Variants in GABRA3 observed in about 807,000 individuals in gnomAD.
GABRA3 encodes the protein gamma-aminobutyric acid receptor subunit alpha-3.
In GABRA3, 10 loss-of-function variants were observed where a neutral mutation model predicts 30.1. The observed-to-expected ratio is 0.33, with a 90% CI of 0.20 to 0.56. The LOEUF is 0.56. Among genes scored for constraint, GABRA3 ranks in the 20% least tolerant of loss-of-function variants. The pLI, the probability that GABRA3 is intolerant of heterozygous loss-of-function variation, is 0.89. For missense variants in GABRA3, 233 were observed against 392.0 expected, an observed-to-expected ratio of 0.59 and a Z score of 3.42; for synonymous variants, 151 against 146.8, an observed-to-expected ratio of 1.03 and a Z score of -0.21.
intron 5 of GABRA3, among the ~76,000 whole-genome samples, chrX:152,229,178 C>A (rs1459184073): frequency 9.0e-6 from 1 of 110,733 alleles, no homozygotes; most frequent in Non-Finnish European, 1.9e-5. Flanking sequence ...TTTTTGCTAG[C>A]AGTTTTCAGT....
intron 3 of GABRA3, among the ~76,000 whole-genome samples, chrX:152,316,563 T>C (rs1200027599): frequency 1.8e-5 from 2 of 111,802 alleles, no homozygotes; most frequent in African/African-American, 6.5e-5. Context: ...GTCATCAGGT[T>C]ATCTAAAGTG....
chrX:152,312,469 A>G (rs1021066055), intron 3 of GABRA3, among the ~76,000 whole-genome samples: 1 of 112,187 alleles, frequency 8.9e-6, no homozygotes, highest in Middle Eastern at 4.2e-3. Context: ...TCTTTTCACC[A>G]TATACAAAAT....
intron 9 of GABRA3, among the ~76,000 whole-genome samples, chrX:152,169,799 A>G (rs1936980643): frequency 9.0e-6 from 1 of 111,507 alleles, no homozygotes; most frequent in East Asian, 2.8e-4. Flanking sequence ...TGCTTCCCAG[A>G]ACCCAGGCTT....
chrX:152,185,934 A>G (rs931621961), intron 9 of GABRA3, among the ~76,000 whole-genome samples: 3 of 112,123 alleles, frequency 2.7e-5, no homozygotes, highest in East Asian at 2.8e-4. Flanking sequence ...AAGAATCTGT[A>G]TTTGATTTAG....
chrX:152,203,962 G>A (rs139290901), intron 7 of GABRA3, among the ~76,000 whole-genome samples: 2,158 of 111,718 alleles, frequency 0.019, 48 homozygotes, highest in African/African-American at 0.066. Flanking sequence ...TCTCCCTACC[G>A]CAAGAACTGA....
At chrX:152,285,312 G>A (rs937899396) in intron 3 of GABRA3, among the ~76,000 whole-genome samples, 13 of 112,300 alleles carry the variant, frequency 1.2e-4, no homozygotes, top group African/African-American at 4.2e-4. Context: ...GAGGAGCACT[G>A]CCCTGGAGAG....
At chrX:152,314,504 C>T (rs767181022) in intron 3 of GABRA3, among the ~76,000 whole-genome samples, 5 of 112,197 alleles carry the variant, frequency 4.5e-5, no homozygotes, top group East Asian at 2.8e-4. Flanking sequence ...TTTACCAAGC[C>T]GTATAATTCC....
chrX:152,272,531 G>T (rs1302078602), intron 4 of GABRA3, among the ~76,000 whole-genome samples: 1 of 112,064 alleles, frequency 8.9e-6, no homozygotes, highest in African/African-American at 3.3e-5. Flanking sequence ...CCTTGTCTCA[G>T]ATGAGACTCT....
At chrX:152,332,812 G>A (rs1328585208) in intron 3 of GABRA3, among the ~76,000 whole-genome samples, 2 of 112,291 alleles carry the variant, frequency 1.8e-5, no homozygotes, top group African/African-American at 6.5e-5. Context: ...AGGCCCTAGT[G>A]TTTTTGCTTT....
At chrX:152,244,017 A>G (rs768081976) in intron 5 of GABRA3, among the ~76,000 whole-genome samples, 1 of 112,265 alleles carries the variant, frequency 8.9e-6, no homozygotes, top group South Asian at 3.7e-4. Context: ...AACATATCAG[A>G]GATTATTCTT....
chrX:152,179,970 C>G (rs959303445), intron 9 of GABRA3, among the ~76,000 whole-genome samples: 12 of 111,847 alleles, frequency 1.1e-4, no homozygotes, highest in African/African-American at 3.9e-4. Context: ...AGTTTATAGA[C>G]ACTTAGGTTG....
intron 3 of GABRA3, among the ~76,000 whole-genome samples, chrX:152,311,427 C>A: frequency 8.9e-6 from 1 of 112,127 alleles, no homozygotes; most frequent in Non-Finnish European, 1.9e-5. Context: ...AAATGTGATT[C>A]ATCACATAGA....
intron 3 of GABRA3, among the ~76,000 whole-genome samples, chrX:152,293,636 A>T (rs894032899): frequency 8.9e-6 from 1 of 111,887 alleles, no homozygotes; most frequent in African/African-American, 3.2e-5. Flanking sequence ...TTGTTAACAA[A>T]CAATAGTTTG....
chrX:152,436,668 T>C (rs188138610), intron 1 of GABRA3, among the ~76,000 whole-genome samples: 2 of 111,666 alleles, frequency 1.8e-5, no homozygotes, highest in African/African-American at 6.5e-5. Context: ...CTGGAAAAAC[T>C]GGACATACAT....
At chrX:152,445,358 A>G (rs1931062654) in intron 1 of GABRA3, among the ~76,000 whole-genome samples, 1 of 111,304 alleles carries the variant, frequency 9.0e-6, no homozygotes, top group Non-Finnish European at 1.9e-5. Flanking sequence ...TAACAGTATT[A>G]TGCCCCATCT....
At chrX:152,408,770 GAAA>G (rs776952248) in intron 1 of GABRA3, among the ~76,000 whole-genome samples, 1 of 61,735 alleles carries the variant, frequency 1.6e-5, no homozygotes, top group East Asian at 5.3e-4. Context: ...TCATCCTGAG[GAAA>G]AAAAAAAAAA....
chrX:152,383,528 C>T (rs1929207820), intron 1 of GABRA3, among the ~76,000 whole-genome samples: 1 of 109,202 alleles, frequency 9.2e-6, no homozygotes, highest in Non-Finnish European at 1.9e-5. Context: ...AATCATTTAC[C>T]ATGATCAACT....
chrX:152,260,729 G>T (rs745329652), intron 4 of GABRA3, among the ~76,000 whole-genome samples: 1 of 111,348 alleles, frequency 9.0e-6, no homozygotes, highest in Non-Finnish European at 1.9e-5. Context: ...CAACACCCAA[G>T]TCCTTTCAAA....
At chrX:152,386,266 C>T (rs1324065047) in intron 1 of GABRA3, among the ~76,000 whole-genome samples, 1 of 109,488 alleles carries the variant, frequency 9.1e-6, no homozygotes, top group Non-Finnish European at 1.9e-5. Flanking sequence ...TCTTTTATTT[C>T]GTTGAGCAGT....
Sources: allele counts gnomAD v4.1 joint callset (sites outside exome capture counted in the v4.1 genomes callset), GRCh38; gene constraint gnomAD v4.1.1; transcripts MANE v1.5; gene names NCBI Gene and HGNC (gene_info 2026-07-23, HGNC 2026-07-21).